GLYR1: variants seen among roughly 807,000 people sequenced by gnomAD.
The protein encoded by GLYR1 is glyoxylate reductase 1 homolog, also known as cytokine-like nuclear factor N-PAC.
Under a neutral mutation model 72.7 loss-of-function variants are expected in GLYR1, and 21 were observed. The ratio of observed to expected loss-of-function variants is 0.29; its 90% CI spans 0.20 to 0.42. The LOEUF (loss-of-function observed/expected upper bound fraction) is 0.42. Among genes scored for constraint, GLYR1 ranks in the 10% least tolerant of loss-of-function variants. The pLI is 1.00. For synonymous variants in GLYR1, 392 were observed against 270.2 expected (o/e 1.45, Z -4.42); for missense variants, 594 against 712.1 (o/e 0.83, Z 1.89).
chr16:4,832,518 G>C, intron 4 of GLYR1: 1 of 574,148 alleles, frequency 1.7e-6, no homozygotes. Flanking sequence ...GAAATGGCCT[G>C]TGCTAGACTC....
chr16:4,834,024 A>G (rs1806894404), intron 3 of GLYR1, among the ~76,000 whole-genome samples: 1 of 152,258 alleles, frequency 6.6e-6, no homozygotes, highest in Admixed American at 6.5e-5. Flanking sequence ...TCTTCATAGA[A>G]AGCTAGAGAA....
chr16:4,819,989 C>A (rs2083909181), intron 9 of GLYR1, among the ~76,000 whole-genome samples: 1 of 152,100 alleles, frequency 6.6e-6, no homozygotes, highest in Non-Finnish European at 1.5e-5. Flanking sequence ...GTCCAGTAGA[C>A]CTGGGATAAA....
At chr16:4,823,080 G>A (rs558807218) in intron 6 of GLYR1, 149 bp from the exon 7 acceptor site, 10 of 710,600 alleles carry the variant, frequency 1.4e-5, no homozygotes, top group Non-Finnish European at 2.4e-5. Flanking sequence ...TCCCATTTTG[G>A]CCTAAGCCTT....
At chr16:4,811,118 A>T in intron 15 of GLYR1, 52 bp downstream of exon 15, 1 of 1,559,110 alleles carries the variant, frequency 6.4e-7, no homozygotes. Context: ...AAAAAAAAAA[A>T]GAAAGAAAAA....
Position 4,819,764 on chromosome 16 carries a change from C to T in GLYR1, c.806+1616G>A, listed in dbSNP as rs115658630. Reference sequence around the variant, plus strand: ...GGAATATCAGCTGCTCACATTCTCCCTGTCCCAGCCTGTATTAAGTAATTT... The same window carrying T: ...GGAATATCAGCTGCTCACATTCTCCTTGTCCCAGCCTGTATTAAGTAATTT... On this transcript the variant is annotated intron_variant, in intron 9 of 15. Coordinates refer to ENST00000321919, the MANE Select transcript of GLYR1 (RefSeq NM_032569.4). 2.6e-3 allele frequency among the ~76,000 whole-genome samples: 401 copies of T among 152,316 alleles called. 1 individual carries two copies. The highest frequency in any genetic ancestry group is 8.5e-3 in the African/African-American group (352 of 41,570).
At chr16:4,807,587 A>T (rs2083064630) in intron 15 of GLYR1, among the ~76,000 whole-genome samples, 1 of 152,200 alleles carries the variant, frequency 6.6e-6, no homozygotes, top group South Asian at 2.1e-4. Context: ...TCCTAACAGT[A>T]TAGAGTCTAA....
At chr16:4,806,413 G>A (rs2082975949) in intron 15 of GLYR1, among the ~76,000 whole-genome samples, 1 of 151,542 alleles carries the variant, frequency 6.6e-6, no homozygotes, top group South Asian at 2.1e-4. Context: ...CTGGAGTGCA[G>A]TGGTAGGATC....
At chr16:4,841,361 C>A (rs2085532629) in intron 3 of GLYR1, among the ~76,000 whole-genome samples, 1 of 143,146 alleles carries the variant, frequency 7.0e-6, no homozygotes, top group South Asian at 2.2e-4. Flanking sequence ...TGGCTCATGC[C>A]CATAATGCCA....
In GLYR1 at chr16:4,814,520, AG is replaced by A. The variant is rs770395628; in HGVS notation, c.1017+16del. 1 of 1,595,932 alleles carries A rather than the reference AG, an allele frequency of 6.3e-7. No individual in the cohort carries two copies. The highest frequency in any genetic ancestry group is 8.6e-7 in the Non-Finnish European group (1 of 1,164,728). On this transcript the variant is annotated intron_variant, in intron 11 of 15. Transcript: ENST00000321919. ...GCTGTGACCCGGAGTTGCTGAGGGG[AG>A]GGAGGGGGTCCTTACGTCCTTGGCC...
At position 4,821,604 on chromosome 16, in the gene GLYR1, A is replaced by T. The variant is rs1567710898; in HGVS notation, c.682-7T>A. On this transcript the variant is annotated splice_polypyrimidine_tract_variant and splice_region_variant and intron_variant, in intron 7 of 15. Transcript: ENST00000321919. ...CCTGGTAACAGACAGCTGGCTAATG[A>T]AGGAGGAGGAAAGAGACTACTTGTG... 2 of 1,613,678 alleles carry T rather than the reference A, an allele frequency of 1.2e-6. No individual in the cohort carries two copies. Among genetic ancestry groups the T allele is most frequent in the Non-Finnish European group, 8.5e-7 (1 of 1,179,796 alleles).
At chr16:4,812,004 G>A (rs562301356) in intron 13 of GLYR1, 82 bp downstream of exon 13, 10 of 1,525,560 alleles carry the variant, frequency 6.6e-6, no homozygotes, top group Middle Eastern at 2.2e-4. Context: ...CAGAAAGGCC[G>A]TGTGGGACTG....
chr16:4,822,755 G>C (rs2084120406), intron 7 of GLYR1, 120 bp downstream of exon 7: 12 of 810,322 alleles, frequency 1.5e-5, no homozygotes, highest in Middle Eastern at 4.6e-4. Context: ...TTCTGGGCTA[G>C]TTGCTCTGGG....
intron 3 of GLYR1, chr16:4,839,775 C>G (rs754975977): frequency 6.6e-6 from 1 of 152,194 alleles, no homozygotes; most frequent in Non-Finnish European, 1.5e-5. Flanking sequence ...CACTGATTAT[C>G]TTGTCATAAG....
At chr16:4,828,163 G>A (rs1307888934) in intron 5 of GLYR1, among the ~76,000 whole-genome samples, 1 of 151,456 alleles carries the variant, frequency 6.6e-6, no homozygotes, top group African/African-American at 2.4e-5. Flanking sequence ...TCCGCCTCCC[G>A]GGTTCACGCC....
intron 15 of GLYR1, among the ~76,000 whole-genome samples, chr16:4,808,587 A>T (rs1294253202): frequency 6.6e-6 from 1 of 151,980 alleles, no homozygotes; most frequent in Non-Finnish European, 1.5e-5. Context: ...AACAAGGGTG[A>T]AACTCGGTCT....
At chr16:4,820,711 C>T (rs751869593) in intron 9 of GLYR1, among the ~76,000 whole-genome samples, 4 of 152,238 alleles carry the variant, frequency 2.6e-5, no homozygotes, top group Non-Finnish European at 1.5e-5. Flanking sequence ...CTTTAGCTAA[C>T]TTGCTCCAGA....
chr16:4,827,000 G>A (rs1023492369), intron 5 of GLYR1, among the ~76,000 whole-genome samples: 10 of 152,226 alleles, frequency 6.6e-5, no homozygotes, highest in African/African-American at 2.2e-4. Context: ...AACTAACAGC[G>A]CTACTTTGAT....
intron 5 of GLYR1, among the ~76,000 whole-genome samples, chr16:4,831,661 G>C (rs573975144): frequency 3.7e-4 from 57 of 152,266 alleles, no homozygotes; most frequent in African/African-American, 1.3e-3. Context: ...CTGGTCTATG[G>C]GATTCTTTAT....
At chr16:4,826,617 A>G (rs2084393894) in intron 5 of GLYR1, among the ~76,000 whole-genome samples, 1 of 152,220 alleles carries the variant, frequency 6.6e-6, no homozygotes, top group Non-Finnish European at 1.5e-5. Flanking sequence ...TTGAATGCAG[A>G]GGTTTTTGGG....
Sources: gnomAD v4.1 joint callset for allele counts (sites outside exome capture counted in the v4.1 genomes callset) on GRCh38, gnomAD v4.1.1 for gene constraint, MANE v1.5 for transcripts, NCBI Gene and HGNC (gene_info 2026-07-23, HGNC 2026-07-21) for gene names.